SEPTIN9: variants seen among roughly 807,000 people sequenced by gnomAD.
SEPTIN9 encodes the protein septin 9.
Under a neutral mutation model 56.6 loss-of-function variants are expected in SEPTIN9, and 13 were observed. The ratio of observed to expected loss-of-function variants is 0.23; its 90% CI spans 0.15 to 0.37. The LOEUF (loss-of-function observed/expected upper bound fraction) is 0.37. Among genes scored for constraint, SEPTIN9 ranks in the 10% least tolerant of loss-of-function variants. The pLI is 1.00. For synonymous variants in SEPTIN9, 332 were observed against 334.1 expected (o/e 0.99, Z 0.07); for missense variants, 650 against 823.1 (o/e 0.79, Z 2.57).
At chr17:77,466,419 G>A in intron 3 of SEPTIN9, 1 of 985,536 alleles carries the variant, frequency 1.0e-6, no homozygotes, top group South Asian at 4.7e-5. Context: ...GGCCTGGGAG[G>A]GGACAGGCTC....
At chr17:77,480,024 C>T (rs1452987851) in intron 3 of SEPTIN9, among the ~76,000 whole-genome samples, 1 of 152,088 alleles carries the variant, frequency 6.6e-6, no homozygotes, top group African/African-American at 2.4e-5. Flanking sequence ...GAAGGGGGAG[C>T]AGGAGCAGGA....
At chr17:77,466,625 G>A in intron 3 of SEPTIN9, 1 of 980,972 alleles carries the variant, frequency 1.0e-6, no homozygotes, top group Non-Finnish European at 1.2e-6. Context: ...GAGGTGTGGA[G>A]GGTAGGCCAG....
chr17:77,413,037 A>G (rs1480767227), intron 3 of SEPTIN9, among the ~76,000 whole-genome samples: 1 of 151,804 alleles, frequency 6.6e-6, no homozygotes, highest in Non-Finnish European at 1.5e-5. Context: ...GTAGGGGTAG[A>G]TGGTATTGCT....
intron 2 of SEPTIN9, among the ~76,000 whole-genome samples, chr17:77,386,689 G>A (rs2035347807): frequency 6.6e-6 from 1 of 152,204 alleles, no homozygotes; most frequent in African/African-American, 2.4e-5. Context: ...TTGCGGACAG[G>A]TGACCACAGG....
In SEPTIN9 at chr17:77,429,056, G is replaced by T; in HGVS notation, c.721+26353G>T. ...CAGCAGCCCTCCGCCCCCTGCTCCT[G>T]GTTGCAGATGTACCTGTTCTTGGCT... On this transcript the variant is annotated intron_variant, in intron 3 of 11. Coordinates refer to ENST00000427177, the MANE Select transcript of SEPTIN9 (RefSeq NM_001113491.2). The surrounding 1 kb of genome is among the most constrained non-coding windows in gnomAD (Gnocchi z 5.2). 2.1e-6 allele frequency: 1 copy of T among 471,592 alleles called. No homozygotes were observed. Among genetic ancestry groups the T allele is most frequent in the South Asian group, 1.5e-5 (1 of 64,566 alleles). The allele number at this position is 471,592 out of a possible 1,614,324, so 29.2% of individuals were successfully genotyped here.
chr17:77,487,922 G>C lies in SEPTIN9; in HGVS notation c.1043-318G>C, dbSNP rs1211139995. Among the ~76,000 whole-genome samples, 1 of 152,188 alleles carries C rather than the reference G, an allele frequency of 6.6e-6. No individual in the cohort carries two copies. The highest frequency in any genetic ancestry group is 1.9e-4 in the East Asian group (1 of 5,178). On this transcript the variant is annotated intron_variant, in intron 5 of 11. Coordinates refer to ENST00000427177, the MANE Select transcript of SEPTIN9 (RefSeq NM_001113491.2). The surrounding 1 kb of genome is among the most constrained non-coding windows in gnomAD (Gnocchi z 4.3). ...CAGGTCCCCAAGACGGGGACTCGCT[G>C]TGCCCACCATCCCCAGCATGTTGAG...
chr17:77,416,807 A>C (rs1213218798), intron 3 of SEPTIN9, among the ~76,000 whole-genome samples: 1 of 151,970 alleles, frequency 6.6e-6, no homozygotes, highest in East Asian at 1.9e-4. Flanking sequence ...TGTCTCTGAC[A>C]CTCCCAGTCA....
At chr17:77,297,222 G>T (rs1398506662) in intron 1 of SEPTIN9, among the ~76,000 whole-genome samples, 1 of 152,172 alleles carries the variant, frequency 6.6e-6, no homozygotes, top group African/African-American at 2.4e-5. Context: ...AGCTGTTGAT[G>T]TAACTCTTAG....
rs571114186 is a variant in SEPTIN9 at position 77,480,040 on chromosome 17, G to A, written c.722-2104G>A. On this transcript the variant is annotated intron_variant, in intron 3 of 11. Coordinates refer to ENST00000427177, the MANE Select transcript of SEPTIN9 (RefSeq NM_001113491.2). ...AAGGGGGAGCAGGAGCAGGAGCAAA[G>A]CCCTGAAGGCTTCCAGGCTGCGTGG... Among the ~76,000 whole-genome samples the A allele has an allele frequency of 3.9e-3, 592 of 152,296 alleles. 3 individuals are homozygous for A. The highest frequency in any genetic ancestry group is 6.9e-3 in the Non-Finnish European group (469 of 68,012).
At chr17:77,470,413 C>T (rs537045217) in intron 3 of SEPTIN9, among the ~76,000 whole-genome samples, 3 of 151,068 alleles carry the variant, frequency 2.0e-5, no homozygotes, top group African/African-American at 4.9e-5. Context: ...CACGCATCCA[C>T]TCACCCATCC....
In SEPTIN9 at chr17:77,290,414, C is replaced by T. The variant is rs561248250; in HGVS notation, c.19+8860C>T. On this transcript the variant is annotated intron_variant, in intron 1 of 11. Transcript: ENST00000427177. ...CTGGGACTACAGGCACCCGCCCCCA[C>T]GCCCGGCTAATTTTTTGTATTTTTT... 9.2e-5 allele frequency among the ~76,000 whole-genome samples: 14 copies of T among 152,006 alleles called. No individual in the cohort carries two copies. In the South Asian group the frequency reaches 1.5e-3, roughly 16 times the overall value.
At position 77,451,575 on chromosome 17, in the gene SEPTIN9, G is replaced by A; in HGVS notation, c.722-30569G>A. 1.0e-6 allele frequency: 1 copy of A among 984,170 alleles called. No homozygotes were observed. The highest frequency in any genetic ancestry group is 1.2e-6 in the Non-Finnish European group (1 of 828,780). The allele number at this position is 984,170 out of a possible 1,614,324, so 61.0% of individuals were successfully genotyped here. On this transcript the variant is annotated intron_variant, in intron 3 of 11. Coordinates refer to ENST00000427177, the MANE Select transcript of SEPTIN9 (RefSeq NM_001113491.2). The surrounding 1 kb of genome is among the most constrained non-coding windows in gnomAD (Gnocchi z 4.2). ...TTCCCAGCCTTGCACCACTGGCTCG[G>A]GGGCTCTCAGGTGGCGCGGCCGCGA...
In SEPTIN9 at chr17:77,313,434, A is replaced by G. The variant is rs756875844; in HGVS notation, c.76+6237A>G. ...AACCCTGCAGCGGCCCCAAGGGCAG[A>G]GATAGCTGGATTGTATTTATTTAGG... is the stretch of plus-strand genomic sequence containing the variant. On this transcript the variant is annotated intron_variant, in intron 2 of 11. Transcript: ENST00000427177. The surrounding 1 kb of genome is among the most constrained non-coding windows in gnomAD (Gnocchi z 4.5). 1.3e-5 allele frequency among the ~76,000 whole-genome samples: 2 copies of G among 152,240 alleles called. No homozygotes were observed. The highest frequency in any genetic ancestry group is 2.9e-5 in the Non-Finnish European group (2 of 68,044).
intron 3 of SEPTIN9, among the ~76,000 whole-genome samples, chr17:77,477,916 G>A (rs1329697296): frequency 6.6e-6 from 1 of 152,196 alleles, no homozygotes; most frequent in East Asian, 1.9e-4. Flanking sequence ...GACCCAGACA[G>A]ATCCTTGCAC....
chr17:77,341,909 C>T (rs2033742595), intron 2 of SEPTIN9, among the ~76,000 whole-genome samples: 1 of 151,012 alleles, frequency 6.6e-6, no homozygotes, highest in Non-Finnish European at 1.5e-5. Context: ...GATGAAACCC[C>T]GTCTCTACTA....
chr17:77,374,231 G>C (rs1202088491), intron 2 of SEPTIN9: 1 of 152,886 alleles, frequency 6.5e-6, no homozygotes, highest in Non-Finnish European at 1.5e-5. Context: ...GTGGGGGACA[G>C]AAGGGGCCTG....
intron 1 of SEPTIN9, among the ~76,000 whole-genome samples, chr17:77,305,780 A>G (rs2032234524): frequency 6.6e-6 from 1 of 151,500 alleles, no homozygotes; most frequent in African/African-American, 2.4e-5. Context: ...CACGAAGGCC[A>G]GATGGGCAGT....
intron 1 of SEPTIN9, among the ~76,000 whole-genome samples, chr17:77,297,659 AT>A (rs1370560068): frequency 6.6e-6 from 1 of 152,176 alleles, no homozygotes; most frequent in East Asian, 1.9e-4. Flanking sequence ...TTAAAAATGT[AT>A]TCATTGAGCA....
chr17:77,349,692 A>G (rs1337197581), intron 2 of SEPTIN9, among the ~76,000 whole-genome samples: 1 of 152,222 alleles, frequency 6.6e-6, no homozygotes, highest in Non-Finnish European at 1.5e-5. Flanking sequence ...CCCCTCTGTC[A>G]GGTGTAGACT....
Sources: gnomAD v4.1 joint callset for allele counts (sites outside exome capture counted in the v4.1 genomes callset) on GRCh38, gnomAD v4.1.1 for gene constraint, Gnocchi (gnomAD v3.1) non-coding constraint, MANE v1.5 for transcripts, NCBI Gene and HGNC (gene_info 2026-07-23, HGNC 2026-07-21) for gene names.